The following CPNE4 variants were observed in gnomAD, a reference collection of about 807,000 sequenced individuals.
CPNE4 encodes copine-4.
In CPNE4, 25 loss-of-function variants were observed where a neutral mutation model predicts 67.9. The observed-to-expected ratio is 0.37, with a 90% confidence interval of 0.27 to 0.51. CPNE4 has a LOEUF of 0.51. Among genes scored for constraint, CPNE4 ranks in the 20% least tolerant of loss-of-function variants. CPNE4 has a pLI of 0.93. For missense variants in CPNE4, 464 were observed against 690.8 expected (o/e 0.67, Z 3.68); for synonymous variants, 242 against 244.9 (o/e 0.99, Z 0.11).
At chr3:131,596,579 G>C (rs1269630675) in intron 7 of CPNE4, among the ~76,000 whole-genome samples, 1 of 85,200 alleles carries the variant, frequency 1.2e-5, no homozygotes, top group Non-Finnish European at 2.0e-5. Context: ...CCGAGATCCC[G>C]CCACTGCACT....
intron 2 of CPNE4, among the ~76,000 whole-genome samples, chr3:131,900,535 T>G (rs9872712): frequency 1.3e-5 from 2 of 152,004 alleles, no homozygotes; most frequent in Non-Finnish European, 2.9e-5. Flanking sequence ...TTTCATGTAG[T>G]GTCCTCTTTC....
At chr3:131,698,264 A>C (rs2081206783) in intron 4 of CPNE4, among the ~76,000 whole-genome samples, 1 of 149,346 alleles carries the variant, frequency 6.7e-6, no homozygotes, top group African/African-American at 2.5e-5. Context: ...GAAAGAAAAG[A>C]AAAAGATCAA....
chr3:131,595,627 G>T (rs1167618897), intron 7 of CPNE4, among the ~76,000 whole-genome samples: 1 of 152,152 alleles, frequency 6.6e-6, no homozygotes, highest in Non-Finnish European at 1.5e-5. Context: ...GTAGGAGCAT[G>T]AGAGAGTGAG....
intron 10 of CPNE4, among the ~76,000 whole-genome samples, chr3:131,568,124 T>C (rs539180935): frequency 6.6e-6 from 1 of 152,058 alleles, no homozygotes; most frequent in Non-Finnish European, 1.5e-5. Context: ...GTTCTCATGG[T>C]TTAATAAAAA....
chr3:131,559,943 GA>G (rs1936672732), intron 11 of CPNE4, among the ~76,000 whole-genome samples: 3 of 151,972 alleles, frequency 2.0e-5, no homozygotes, highest in Admixed American at 2.0e-4. Flanking sequence ...AACTCATGAT[GA>G]AAAATGTCAG....
intron 7 of CPNE4, among the ~76,000 whole-genome samples, chr3:131,656,224 T>C (rs1313404987): frequency 2.0e-5 from 3 of 152,054 alleles, no homozygotes; most frequent in Non-Finnish European, 2.9e-5. Flanking sequence ...AAAAAAATGT[T>C]AGGAGAAAAT....
intron 2 of CPNE4, among the ~76,000 whole-genome samples, chr3:131,817,071 G>A (rs1000051874): frequency 3.3e-5 from 5 of 152,172 alleles, no homozygotes; most frequent in South Asian, 2.1e-4. Flanking sequence ...TAATGTGGGC[G>A]TAAAGGGCAT....
At chr3:132,021,222 T>C (rs2073989008) in intron 1 of CPNE4, among the ~76,000 whole-genome samples, 1 of 152,208 alleles carries the variant, frequency 6.6e-6, no homozygotes, top group Non-Finnish European at 1.5e-5. Flanking sequence ...AACACATTGA[T>C]TTTATAAATG....
At chr3:131,664,445 T>C (rs973116871) in intron 7 of CPNE4, among the ~76,000 whole-genome samples, 7 of 152,180 alleles carry the variant, frequency 4.6e-5, no homozygotes, top group Non-Finnish European at 8.8e-5. Flanking sequence ...AAATCATACA[T>C]TGATAAGTAA....
chr3:132,016,596 C>T (rs1323781924), intron 1 of CPNE4, among the ~76,000 whole-genome samples: 1 of 152,152 alleles, frequency 6.6e-6, no homozygotes, highest in Non-Finnish European at 1.5e-5. Flanking sequence ...AGAACTTTAC[C>T]TTGAAAAACT....
intron 1 of CPNE4, among the ~76,000 whole-genome samples, chr3:131,982,651 G>A (rs1283536095): frequency 6.6e-6 from 1 of 151,972 alleles, no homozygotes; most frequent in East Asian, 1.9e-4. Context: ...TGATTTACTT[G>A]CATGAATTTT....
chr3:131,546,265 C>T (rs1181756532), intron 14 of CPNE4, among the ~76,000 whole-genome samples: 1 of 152,136 alleles, frequency 6.6e-6, no homozygotes, highest in African/African-American at 2.4e-5. Context: ...AGGATCGAAA[C>T]CTGATAGAAA....
At chr3:131,862,898 C>T (rs1373987996) in intron 2 of CPNE4, among the ~76,000 whole-genome samples, 1 of 151,388 alleles carries the variant, frequency 6.6e-6, no homozygotes, top group Non-Finnish European at 1.5e-5. Context: ...GTGATGTTCC[C>T]CTTCCTGTGT....
At chr3:131,860,346 C>T (rs958695753) in intron 2 of CPNE4, among the ~76,000 whole-genome samples, 5 of 151,966 alleles carry the variant, frequency 3.3e-5, no homozygotes, top group East Asian at 1.9e-4. Context: ...AGAACCCAAG[C>T]GGAGGAAAGG....
intron 1 of CPNE4, among the ~76,000 whole-genome samples, chr3:131,978,278 AT>A (rs2072759221): frequency 9.8e-4 from 1 of 1,020 alleles, no homozygotes; most frequent in Admixed American, 0.028. Context: ...TATTTTATAT[AT>A]ATTTATATAT....
chr3:131,597,998 C>T (rs151089440), intron 7 of CPNE4, among the ~76,000 whole-genome samples: 16 of 152,248 alleles, frequency 1.1e-4, no homozygotes, highest in Admixed American at 2.6e-4. Context: ...CTCTGCACTG[C>T]AAGGGGAAGG....
chr3:131,868,375 T>C (rs902127497), intron 2 of CPNE4, among the ~76,000 whole-genome samples: 1 of 152,170 alleles, frequency 6.6e-6, no homozygotes, highest in African/African-American at 2.4e-5. Context: ...CTGGCTGAAA[T>C]GCAGACTGAC....
intron 7 of CPNE4, among the ~76,000 whole-genome samples, chr3:131,652,559 A>T (rs115410001): frequency 0.013 from 1,953 of 152,336 alleles, 40 homozygotes; most frequent in African/African-American, 0.044. Flanking sequence ...GTGAATTTTA[A>T]ACTATATATT....
At chr3:131,828,852 A>AAAAAAAC (rs1553780396) in intron 2 of CPNE4, among the ~76,000 whole-genome samples, 1 of 152,202 alleles carries the variant, frequency 6.6e-6, no homozygotes, top group Admixed American at 6.5e-5. Context: ...AACAAAACAA[A>AAAAAAAC]AAAACAAAAC....
Sources: gnomAD v4.1 joint callset for allele counts (sites outside exome capture counted in the v4.1 genomes callset) on GRCh38, gnomAD v4.1.1 for gene constraint, MANE v1.5 for transcripts, NCBI Gene and HGNC (gene_info 2026-07-23, HGNC 2026-07-21) for gene names.